ALPK1: variants seen among roughly 807,000 people sequenced by gnomAD.
The protein encoded by ALPK1 is alpha-protein kinase 1.
Under a neutral mutation model 120.6 loss-of-function variants are expected in ALPK1, and 110 were observed. The observed-to-expected ratio is 0.91, with a 90% CI of 0.78 to 1.07. The LOEUF is 1.07. Among genes scored for constraint, ALPK1 ranks in the 50% least tolerant of loss-of-function variants. The pLI is 0.00. For missense variants in ALPK1, 1,498 were observed against 1,483.9 expected, an observed-to-expected ratio of 1.01 and a Z score of -0.16; for synonymous variants, 582 against 560.3, an observed-to-expected ratio of 1.04 and a Z score of -0.55.
intron 1 of ALPK1, among the ~76,000 whole-genome samples, chr4:112,311,083 T>G (rs878911405): frequency 6.6e-6 from 1 of 152,196 alleles, no homozygotes; most frequent in Admixed American, 6.5e-5. Flanking sequence ...GGTTACCCAG[T>G]GTGCAACGAA....
At chr4:112,346,698 C>T (rs1379587524) in intron 2 of ALPK1, among the ~76,000 whole-genome samples, 1 of 152,184 alleles carries the variant, frequency 6.6e-6, no homozygotes, top group East Asian at 1.9e-4. Context: ...ACTATTTTCC[C>T]ATTATGATTT....
chr4:112,429,343 T>C, intron 10 of ALPK1, 90 bp downstream of exon 10: 1 of 976,830 alleles, frequency 1.0e-6, no homozygotes, highest in South Asian at 1.6e-5. Flanking sequence ...AGGTTTAACC[T>C]TCAAACAGGC....
chr4:112,307,640 T>A (rs1728159125), intron 1 of ALPK1, among the ~76,000 whole-genome samples: 1 of 152,136 alleles, frequency 6.6e-6, no homozygotes, highest in Non-Finnish European at 1.5e-5. Context: ...CCTATGTGTG[T>A]CTCTGCACAT....
intron 1 of ALPK1, among the ~76,000 whole-genome samples, chr4:112,300,636 G>T (rs926052085): frequency 1.3e-5 from 2 of 151,380 alleles, no homozygotes; most frequent in Non-Finnish European, 2.9e-5. Flanking sequence ...CATTTTTCTT[G>T]TGTTGATTGC....
chr4:112,411,807 G>A lies in ALPK1; in HGVS notation c.277-20G>A, dbSNP rs762448453. On this transcript the variant is annotated intron_variant, in intron 4 of 15. Transcript: ENST00000650871. ...CCAGCGTTTCCGCCTGGCTCACGAT[G>A]TTCCACGCTGTTCCTCCAGGCGTCC... The A allele has an allele frequency of 3.1e-6, 5 of 1,597,262 alleles. No homozygotes were observed. The highest frequency in any genetic ancestry group is 3.5e-5 in the Admixed American group (2 of 57,508).
At position 112,427,642 on chromosome 4, in the gene ALPK1, A is replaced by G; in HGVS notation, c.772A>G (p.Lys258Glu). 6.2e-7 allele frequency: 1 copy of G among 1,613,458 alleles called. No homozygotes were observed. The highest frequency in any genetic ancestry group is 1.1e-5 in the South Asian group (1 of 91,070). ...GAGCAAGAACGATTATGAAAAGTTT[A>G]AAAACAATCCACAAATTAATTTGGT... The part of the protein sequence containing the change: ...SMSKNDYEKF[K>E]NNPQINLSLL... The change falls in exon 9 of 16, where the codon AAA becomes GAA. Residue 258 changes from lysine to glutamate, a missense_variant. Lys to Glu is a moderately conservative substitution (Grantham distance 56, BLOSUM62 1). Transcript: ENST00000650871.
chr4:112,308,511 C>T (rs1316081760), intron 1 of ALPK1, among the ~76,000 whole-genome samples: 1 of 152,100 alleles, frequency 6.6e-6, no homozygotes, highest in East Asian at 1.9e-4. Flanking sequence ...TCTTCAATCA[C>T]TGATACCCTT....
intron 4 of ALPK1, chr4:112,383,024 C>G (rs1479734760): frequency 6.0e-6 from 1 of 166,094 alleles, no homozygotes; most frequent in African/African-American, 2.4e-5. Flanking sequence ...CTTATATCCT[C>G]AAGATTAAGG....
intron 5 of ALPK1, among the ~76,000 whole-genome samples, chr4:112,413,062 G>A (rs1484808890): frequency 6.6e-6 from 1 of 152,218 alleles, no homozygotes; most frequent in African/African-American, 2.4e-5. Context: ...CTCAAGTAAA[G>A]TTCAGGGACA....
At chr4:112,347,821 A>AT (rs1346301959) in intron 2 of ALPK1, among the ~76,000 whole-genome samples, 4 of 151,788 alleles carry the variant, frequency 2.6e-5, no homozygotes, top group African/African-American at 2.4e-5. Flanking sequence ...GCAAGCAATT[A>AT]TTTTTTGCCA....
At chr4:112,425,616 C>A in intron 6 of ALPK1, 49 bp from the exon 7 acceptor site, 1 of 1,486,188 alleles carries the variant, frequency 6.7e-7, no homozygotes, top group Non-Finnish European at 9.3e-7. Flanking sequence ...TTTTAATTTG[C>A]AAGGCTATAT....
chr4:112,441,131 TA>T, intron 15 of ALPK1, 26 bp downstream of exon 15: 1 of 1,613,964 alleles, frequency 6.2e-7, no homozygotes, highest in Non-Finnish European at 8.5e-7. Context: ...TATGGATTGG[TA>T]ATGTGACAGA....
chr4:112,406,912 GCTGT>G (rs1733204279), intron 4 of ALPK1, among the ~76,000 whole-genome samples: 2 of 152,246 alleles, frequency 1.3e-5, no homozygotes, highest in South Asian at 2.1e-4. Flanking sequence ...TTTCTACATG[GCTGT>G]CTATTCTTTG....
At position 112,414,434 on chromosome 4, in the gene ALPK1, C is replaced by T. The variant is rs1276484846; in HGVS notation, c.475+2409C>T. 4 of 393,780 alleles carry T rather than the reference C, an allele frequency of 1.0e-5. No individual in the cohort carries two copies. The East Asian group carries it at 2.2e-4, about 22-fold the overall frequency. The allele number at this position is 393,780 out of a possible 1,614,324, so 24.4% of individuals were successfully genotyped here. A position where few individuals can be genotyped will look rare whatever the true frequency, so the allele number is the denominator to read the frequency against. On this transcript the variant is annotated intron_variant, in intron 5 of 15. Coordinates refer to ENST00000650871, the MANE Select transcript of ALPK1 (RefSeq NM_025144.4). ...CCAGCCTGGACAACATGATGAAACC[C>T]CATCTCTACTGAAAACTACAAAAAT...
At chr4:112,311,362 A>T (rs974746804) in intron 1 of ALPK1, among the ~76,000 whole-genome samples, 1 of 152,180 alleles carries the variant, frequency 6.6e-6, no homozygotes, top group Non-Finnish European at 1.5e-5. Flanking sequence ...TACAATGCTT[A>T]TATATATTAT....
intron 2 of ALPK1, among the ~76,000 whole-genome samples, chr4:112,341,691 T>C (rs1276240484): frequency 1.3e-5 from 2 of 152,222 alleles, no homozygotes; most frequent in Non-Finnish European, 2.9e-5. Flanking sequence ...TGCAGCCAAC[T>C]GGTCACTTCT....
intron 2 of ALPK1, among the ~76,000 whole-genome samples, chr4:112,351,013 C>A (rs974180186): frequency 6.6e-6 from 1 of 152,114 alleles, no homozygotes; most frequent in African/African-American, 2.4e-5. Context: ...GAGCCAGGAC[C>A]AGATGGCAGG....
chr4:112,332,032 A>G (rs1314476825), intron 2 of ALPK1, among the ~76,000 whole-genome samples: 1 of 152,154 alleles, frequency 6.6e-6, no homozygotes, highest in Non-Finnish European at 1.5e-5. Flanking sequence ...CTTTACGCTC[A>G]AGTCTGGGAT....
At chr4:112,306,606 C>T (rs1258117295) in intron 1 of ALPK1, among the ~76,000 whole-genome samples, 1 of 151,962 alleles carries the variant, frequency 6.6e-6, no homozygotes, top group Admixed American at 6.5e-5. Flanking sequence ...TCCCCTTTAT[C>T]ATTTTTTATT....
Sources: gnomAD v4.1 joint callset for allele counts (sites outside exome capture counted in the v4.1 genomes callset) on GRCh38, gnomAD v4.1.1 for gene constraint, MANE v1.5 for transcripts, NCBI Gene and HGNC (gene_info 2026-07-23, HGNC 2026-07-21) for gene names.